The following TBCD variants were observed in gnomAD, a reference collection of about 807,000 sequenced individuals.
TBCD encodes the protein tubulin folding cofactor D, also known as tubulin-specific chaperone D.
Under a neutral mutation model 169.3 loss-of-function variants are expected in TBCD, and 105 were observed. The ratio of observed to expected loss-of-function variants is 0.62; its 90% confidence interval spans 0.53 to 0.73. The LOEUF (loss-of-function observed/expected upper bound fraction) is 0.73, where lower values mean the gene tolerates loss of function less well. Among genes scored for constraint, TBCD ranks in the 30% least tolerant of loss-of-function variants. TBCD has a pLI of 0.00. For missense variants in TBCD, 1,444 were observed against 1,600.1 expected, an observed-to-expected ratio of 0.90 and a Z score of 1.66; for synonymous variants, 700 against 643.9, an observed-to-expected ratio of 1.09 and a Z score of -1.32.
chr17:82,839,539 T>A (rs2054286993), intron 13 of TBCD, among the ~76,000 whole-genome samples: 1 of 152,164 alleles, frequency 6.6e-6, no homozygotes, highest in Non-Finnish European at 1.5e-5. Context: ...AACCCTAAAT[T>A]CACCCTAATG....
chr17:82,895,316 CT>C (rs2059402492), intron 17 of TBCD, among the ~76,000 whole-genome samples: 1 of 152,204 alleles, frequency 6.6e-6, no homozygotes, highest in Admixed American at 6.5e-5. Flanking sequence ...CGGGGCCCCC[CT>C]GCACCCGAGG....
chr17:82,775,821 G>C (rs2048561766), intron 6 of TBCD, among the ~76,000 whole-genome samples: 1 of 151,792 alleles, frequency 6.6e-6, no homozygotes, highest in African/African-American at 2.4e-5. Context: ...CAGCACACCA[G>C]CATGGCACAT....
chr17:82,857,508 T>G (rs2145754277), intron 13 of TBCD, among the ~76,000 whole-genome samples: 1 of 152,352 alleles, frequency 6.6e-6, no homozygotes, highest in South Asian at 2.1e-4. Flanking sequence ...CTTTTCTGTG[T>G]GTGTGCAGTT....
At chr17:82,924,211 C>A (rs1169306375) in intron 26 of TBCD, among the ~76,000 whole-genome samples, 1 of 152,218 alleles carries the variant, frequency 6.6e-6, no homozygotes, top group Non-Finnish European at 1.5e-5. Flanking sequence ...GCCTCAGCCT[C>A]CCAAAGTTCT....
chr17:82,921,692 T>C, intron 25 of TBCD, 115 bp downstream of exon 25: 1 of 907,466 alleles, frequency 1.1e-6, no homozygotes, highest in Admixed American at 1.9e-5. Context: ...AGTAGCCTGA[T>C]AACTGACAAA....
chr17:82,797,794 T>G lies in TBCD; in HGVS notation c.809T>G (p.Leu270Trp). ...IFKHGKREDC[L>W]PYAATVLRCL... ...AAACATGGAAAACGTGAAGACTGTT[T>G]GCCCTATGGTAAGGTTTATTTTTAA... Residue 270 changes from leucine to tryptophan, a missense_variant, in exon 8 of 39, where the codon TTG (leucine) becomes TGG (tryptophan). By Grantham distance (61) the Leu-to-Trp change is moderately conservative. Coordinates refer to ENST00000355528, the MANE Select transcript of TBCD (RefSeq NM_005993.5). The G allele has an allele frequency of 6.3e-7, 1 of 1,581,836 alleles. No individual in the cohort carries two copies. The highest frequency in any genetic ancestry group is 8.5e-7 in the Non-Finnish European group (1 of 1,171,260).
At chr17:82,868,547 G>GT (rs1248250764) in intron 13 of TBCD, among the ~76,000 whole-genome samples, 1 of 152,164 alleles carries the variant, frequency 6.6e-6, no homozygotes, top group Non-Finnish European at 1.5e-5. Context: ...TGTAGTTTTA[G>GT]TAAGTGTATA....
At chr17:82,899,767 T>G (rs1040546274) in intron 17 of TBCD, among the ~76,000 whole-genome samples, 4 of 152,244 alleles carry the variant, frequency 2.6e-5, no homozygotes, top group Admixed American at 6.5e-5. Context: ...CCTCTGGTTT[T>G]CCCACATCTG....
chr17:82,832,221 C>T lies in TBCD; in HGVS notation c.1318+17287C>T. 1 of 1,614,222 alleles carries T rather than the reference C, an allele frequency of 6.2e-7. No individual in the cohort carries two copies. ...AGGCTGGCTTCGCCGTGGCATCGGGCTGGTTGGTTTGCTTGGGGTCTAGTG... is the reference window on the plus strand; with the variant it reads ...AGGCTGGCTTCGCCGTGGCATCGGGTTGGTTGGTTTGCTTGGGGTCTAGTG... On this transcript the variant is annotated intron_variant, in intron 13 of 38. Transcript: ENST00000355528. The surrounding 1 kb of genome is among the most constrained non-coding windows in gnomAD (Gnocchi z 4.9).
At chr17:82,879,885 T>G (rs2058237055) in intron 14 of TBCD, among the ~76,000 whole-genome samples, 1 of 151,928 alleles carries the variant, frequency 6.6e-6, no homozygotes, top group African/African-American at 2.4e-5. Flanking sequence ...CAGTGATCTT[T>G]CCTTTTTTTT....
chr17:82,919,064 C>T (rs1464104766), intron 23 of TBCD, among the ~76,000 whole-genome samples: 1 of 152,200 alleles, frequency 6.6e-6, no homozygotes, highest in Non-Finnish European at 1.5e-5. Flanking sequence ...CAGTGTCAGT[C>T]TCTGAAGAAA....
At position 82,809,706 on chromosome 17, in the gene TBCD, AGCATCGGTAGGATGGCTGGCAG is replaced by A. The variant is rs751754677; in HGVS notation, c.1150_1171del (p.Ile384PhefsTer53). On this transcript the variant is annotated splice_acceptor_variant and coding_sequence_variant, in exon 12 of 39. Coordinates refer to ENST00000355528, the MANE Select transcript of TBCD (RefSeq NM_005993.5). LOFTEE classifies it high-confidence loss of function. ...TGACGGATTGCTGCGTTTCTCTTTCAGCATCGGTAGGATGGCTGGCAGGCTTCCCAGAGCCCTGGCGGATGAT... is the reference window on the plus strand; with the variant it reads ...TGACGGATTGCTGCGTTTCTCTTTCAGCTTCCCAGAGCCCTGGCGGATGAT... 5.7e-5 allele frequency: 92 copies of A among 1,612,592 alleles called. No homozygotes were observed. Among genetic ancestry groups the A allele is most frequent in the Non-Finnish European group, 7.4e-5 (87 of 1,179,378 alleles).
chr17:82,930,081 GC>G lies in TBCD; in HGVS notation c.2992-440del, dbSNP rs1159631859. 3.9e-6 allele frequency: 1 copy of G among 255,396 alleles called. No individual in the cohort carries two copies. Among genetic ancestry groups the G allele is most frequent in the African/African-American group, 2.2e-5 (1 of 44,678 alleles). The allele number at this position is 255,396 out of a possible 1,614,324, so 15.8% of individuals were successfully genotyped here. The stretch of plus-strand genomic sequence containing the variant: ...TGCCCTCTGCGCCGTGTGGGCGCGT[GC>G]GGGGAGACCCGGGCCCCAGGACGTG... On this transcript the variant is annotated intron_variant, in intron 32 of 38. Coordinates refer to ENST00000355528, the MANE Select transcript of TBCD (RefSeq NM_005993.5). The surrounding 1 kb of genome is among the most constrained non-coding windows in gnomAD (Gnocchi z 5.2).
chr17:82,927,456 G>A, intron 29 of TBCD, 133 bp downstream of exon 29: 2 of 1,282,516 alleles, frequency 1.6e-6, no homozygotes, highest in Non-Finnish European at 2.1e-6. Flanking sequence ...TAAAGGCTCT[G>A]GGGAAGATGA....
intron 5 of TBCD, among the ~76,000 whole-genome samples, chr17:82,770,614 A>G (rs2048257080): frequency 1.3e-5 from 2 of 152,088 alleles, no homozygotes; most frequent in South Asian, 4.1e-4. Flanking sequence ...AAAAAAAAAA[A>G]AAGTAGTATG....
intron 34 of TBCD, among the ~76,000 whole-genome samples, chr17:82,935,083 C>T (rs2062511812): frequency 6.6e-6 from 1 of 150,522 alleles, no homozygotes; most frequent in Admixed American, 6.6e-5. Context: ...ATTTTTTTTC[C>T]AAGATAGGAT....
chr17:82,905,107 G>T (rs1472039463), intron 19 of TBCD, among the ~76,000 whole-genome samples: 2 of 152,214 alleles, frequency 1.3e-5, no homozygotes, highest in Non-Finnish European at 2.9e-5. Flanking sequence ...GGGTTCTGAG[G>T]AGTCTGTGCT....
At position 82,939,431 on chromosome 17, in the gene TBCD, C is replaced by T. The variant is rs747657263; in HGVS notation, c.3434C>T (p.Ala1145Val). The T allele has an allele frequency of 2.2e-5, 35 of 1,613,576 alleles. No individual in the cohort carries two copies. The East Asian group carries it at 3.6e-4, about 16-fold the overall frequency. The change falls in exon 37 of 39, where the codon GCG becomes GTG. Residue 1145 changes from alanine to valine, a missense_variant. Ala to Val is a moderately conservative substitution (Grantham distance 64, BLOSUM62 0). Coordinates refer to ENST00000355528, the MANE Select transcript of TBCD (RefSeq NM_005993.5). ...TLLTYSDVVG[A>V]DVLDEVVTVL... Reference sequence around the variant, plus strand: ...CTCACCTACAGTGACGTCGTGGGCGCGGATGTGCTGGACGAGGTGGTGACT... The same window carrying T: ...CTCACCTACAGTGACGTCGTGGGCGTGGATGTGCTGGACGAGGTGGTGACT...
Position 82,808,988 on chromosome 17 carries a change from G to A in TBCD, c.1149-720G>A, listed in dbSNP as rs114848886. On this transcript the variant is annotated intron_variant, in intron 11 of 38. Coordinates refer to ENST00000355528, the MANE Select transcript of TBCD (RefSeq NM_005993.5). ...GAGGGGCCAGCAGGTGCTGGGGGACGGGGAGGCTGGTTTTTGCCATTGCTC... is the reference window on the plus strand; with the variant it reads ...GAGGGGCCAGCAGGTGCTGGGGGACAGGGAGGCTGGTTTTTGCCATTGCTC... Among the ~76,000 whole-genome samples the A allele has an allele frequency of 9.2e-3, 1,392 of 152,020 alleles. 17 individuals are homozygous for A. The highest frequency in any genetic ancestry group is 0.032 in the African/African-American group (1,327 of 41,448).
Sources: allele counts gnomAD v4.1 joint callset (sites outside exome capture counted in the v4.1 genomes callset), GRCh38; gene constraint gnomAD v4.1.1; non-coding constraint Gnocchi (gnomAD v3.1); transcripts MANE v1.5; gene names NCBI Gene and HGNC (gene_info 2026-07-23, HGNC 2026-07-21).